REDIC1: variants seen among roughly 807,000 people sequenced by gnomAD.
REDIC1 encodes HEI10 Interacting Protein 1.
the REDIC1 span, among the ~76,000 whole-genome samples, chr12:39,712,292 GTA>G: frequency 9.4e-6 from 1 of 106,716 alleles, no homozygotes; most frequent in Non-Finnish European, 2.0e-5. Flanking sequence ...ATACCTGTAT[GTA>G]TATATACATA....
chr12:39,740,954 C>T, the REDIC1 span, among the ~76,000 whole-genome samples: 1 of 148,718 alleles, frequency 6.7e-6, no homozygotes, highest in Non-Finnish European at 1.5e-5. Flanking sequence ...TTATTTCATG[C>T]TTCTTTACAT....
the REDIC1 span, among the ~76,000 whole-genome samples, chr12:39,739,321 CA>C: frequency 6.6e-6 from 1 of 152,152 alleles, no homozygotes; most frequent in South Asian, 2.1e-4. Context: ...GCCCCTTTCT[CA>C]ATGAGTTTTT....
the REDIC1 span, among the ~76,000 whole-genome samples, chr12:39,817,689 T>A: frequency 2.6e-5 from 4 of 152,204 alleles, no homozygotes; most frequent in Admixed American, 6.5e-5. Flanking sequence ...TCTTAGTTTT[T>A]ACATACTTTA....
chr12:39,720,416 T>C, the REDIC1 span, among the ~76,000 whole-genome samples: 33 of 152,138 alleles, frequency 2.2e-4, no homozygotes, highest in South Asian at 8.3e-4. Context: ...TAGTCTACTC[T>C]TTTTAAGTGG....
chr12:39,901,654 A>G, the REDIC1 span, among the ~76,000 whole-genome samples: 1 of 128,026 alleles, frequency 7.8e-6, no homozygotes, highest in African/African-American at 3.0e-5. Flanking sequence ...ACCATCTCAC[A>G]CCAGTTAGAA....
chr12:39,798,315 A>G, the REDIC1 span, among the ~76,000 whole-genome samples: 2 of 152,198 alleles, frequency 1.3e-5, no homozygotes, highest in Non-Finnish European at 2.9e-5. Flanking sequence ...TTTGTGACCC[A>G]GAGAAACTGA....
At chr12:39,820,297 A>G in the REDIC1 span, among the ~76,000 whole-genome samples, 1 of 152,052 alleles carries the variant, frequency 6.6e-6, no homozygotes, top group East Asian at 1.9e-4. Flanking sequence ...ACTATAATGA[A>G]TTTTTCTTAG....
At chr12:39,676,709 G>A in the REDIC1 span, among the ~76,000 whole-genome samples, 2,174 of 152,176 alleles carry the variant, frequency 0.014, 22 homozygotes, top group Non-Finnish European at 0.022. Context: ...TGAGGCAAAA[G>A]CATCAGGTAA....
chr12:39,816,789 A>C, the REDIC1 span, among the ~76,000 whole-genome samples: 2 of 152,110 alleles, frequency 1.3e-5, no homozygotes, highest in Non-Finnish European at 2.9e-5. Context: ...CTTCATCCTT[A>C]GTTCTTGGTG....
the REDIC1 span, among the ~76,000 whole-genome samples, chr12:39,727,602 C>G: frequency 6.6e-6 from 1 of 150,902 alleles, no homozygotes; most frequent in Non-Finnish European, 1.5e-5. Flanking sequence ...CTTGGCTATA[C>G]GGGCTCTTTT....
chr12:39,668,744 T>G, the REDIC1 span, among the ~76,000 whole-genome samples: 4 of 152,172 alleles, frequency 2.6e-5, no homozygotes, highest in African/African-American at 9.7e-5. Flanking sequence ...CTTGGAGGCT[T>G]TGTTCATTTT....
At chr12:39,862,496 G>T in the REDIC1 span, among the ~76,000 whole-genome samples, 1 of 152,144 alleles carries the variant, frequency 6.6e-6, no homozygotes, top group Non-Finnish European at 1.5e-5. Context: ...AACAATTTGT[G>T]CTCCCACTAA....
At chr12:39,661,285 A>C in the REDIC1 span, among the ~76,000 whole-genome samples, 1 of 151,980 alleles carries the variant, frequency 6.6e-6, no homozygotes, top group Non-Finnish European at 1.5e-5. Context: ...AGTGTATGAG[A>C]GTTCTCTTTT....
the REDIC1 span, among the ~76,000 whole-genome samples, chr12:39,713,635 A>T: frequency 2.0e-5 from 3 of 149,694 alleles, no homozygotes; most frequent in Non-Finnish European, 3.0e-5. Flanking sequence ...TATACAGTAC[A>T]TATGTATATA....
chr12:39,740,776 C>T, the REDIC1 span, among the ~76,000 whole-genome samples: 1 of 152,012 alleles, frequency 6.6e-6, no homozygotes, highest in Non-Finnish European at 1.5e-5. Flanking sequence ...TTTTAATCTT[C>T]ATAACTTTTT....
At chr12:39,901,775 T>G in the REDIC1 span, among the ~76,000 whole-genome samples, 1 of 135,962 alleles carries the variant, frequency 7.4e-6, no homozygotes, top group African/African-American at 2.8e-5. Context: ...ATTGTGGAAG[T>G]CAGTGTGGCG....
chr12:39,850,901 A>G, the REDIC1 span, among the ~76,000 whole-genome samples: 2 of 151,726 alleles, frequency 1.3e-5, no homozygotes, highest in Non-Finnish European at 2.9e-5. Context: ...CCACAAAGTT[A>G]ATTTTTTTTT....
At chr12:39,804,870 G>T in the REDIC1 span, among the ~76,000 whole-genome samples, 1 of 152,172 alleles carries the variant, frequency 6.6e-6, no homozygotes, top group Non-Finnish European at 1.5e-5. Flanking sequence ...GGACATCAGG[G>T]TGGGTAGTTC....
chr12:39,630,148 G>T, the REDIC1 span, among the ~76,000 whole-genome samples: 17 of 152,164 alleles, frequency 1.1e-4, no homozygotes, highest in South Asian at 3.3e-3. Context: ...ATTTTGAAAA[G>T]ATTCTTTTAT....
Sources: allele counts gnomAD v4.1 joint callset (sites outside exome capture counted in the v4.1 genomes callset), GRCh38; gene constraint gnomAD v4.1.1; transcripts MANE v1.5; gene names NCBI Gene and HGNC (gene_info 2026-07-23, HGNC 2026-07-21).